OSBPL9: variants seen among roughly 807,000 people sequenced by gnomAD.
The protein encoded by OSBPL9 is oxysterol binding protein like 9, also known as oxysterol-binding protein-related protein 9.
Under a neutral mutation model 106.6 loss-of-function variants are expected in OSBPL9, and 40 were observed. The observed-to-expected ratio is 0.38, with a 90% CI of 0.29 to 0.49. OSBPL9 has a LOEUF of 0.49. OSBPL9 is among the 20% of genes least tolerant of loss of function. The pLI is 0.97. For synonymous variants in OSBPL9, 269 were observed against 295.4 expected (o/e 0.91, Z 0.92); for missense variants, 609 against 887.2 (o/e 0.69, Z 3.98).
At chr1:51,697,176 A>AAAG (rs1317274955) in intron 3 of OSBPL9, among the ~76,000 whole-genome samples, 18 of 144,168 alleles carry the variant, frequency 1.2e-4, no homozygotes, top group African/African-American at 2.4e-4. Context: ...AAAGAAAAAA[A>AAAG]AAAGAAAGAA....
chr1:51,527,707 G>A, the OSBPL9 span, among the ~76,000 whole-genome samples: 3 of 152,038 alleles, frequency 2.0e-5, no homozygotes, highest in Non-Finnish European at 4.4e-5. Flanking sequence ...TGCCTGGGGT[G>A]AGATTTAAAT....
rs747352416 is a variant in OSBPL9 at position 51,669,521 on chromosome 1, A to G, written c.241+9A>G. The G allele has an allele frequency of 1.9e-6, 3 of 1,613,204 alleles. No homozygotes were observed. Among genetic ancestry groups the G allele is most frequent in the Non-Finnish European group, 2.5e-6 (3 of 1,179,268 alleles). On this transcript the variant is annotated intron_variant, in intron 3 of 23. Transcript: ENST00000428468. The stretch of plus-strand genomic sequence containing the variant: ...AACCTTCCATTTCCAGGGTGAGCTG[A>G]AAGAAGAGATTCTTTCTCTTCATAG...
chr1:51,689,562 G>A (rs1654543409), intron 3 of OSBPL9, among the ~76,000 whole-genome samples: 1 of 152,042 alleles, frequency 6.6e-6, no homozygotes. Flanking sequence ...CCCAGAATAT[G>A]TTAAAGATAT....
intron 2 of OSBPL9, among the ~76,000 whole-genome samples, chr1:51,611,733 G>A (rs1643989223): frequency 6.6e-6 from 1 of 152,190 alleles, no homozygotes; most frequent in African/African-American, 2.4e-5. Flanking sequence ...CACTCTGGAA[G>A]GTCAAGGGGT....
At chr1:51,568,552 T>C in the OSBPL9 span, among the ~76,000 whole-genome samples, 3 of 152,208 alleles carry the variant, frequency 2.0e-5, no homozygotes, top group African/African-American at 4.8e-5. Flanking sequence ...TTTTCTTTTC[T>C]TTTCTTTTTT....
chr1:51,601,189 C>T (rs1645324092), intron 2 of OSBPL9, among the ~76,000 whole-genome samples: 1 of 152,174 alleles, frequency 6.6e-6, no homozygotes, highest in Admixed American at 6.5e-5. Context: ...AGCTCCAAAT[C>T]CTCTGCAGAT....
chr1:51,575,551 A>C (rs1645178458), upstream of OSBPL9, among the ~76,000 whole-genome samples: 1 of 151,986 alleles, frequency 6.6e-6, no homozygotes, highest in African/African-American at 2.4e-5. Flanking sequence ...ACCTATGAAT[A>C]TCCCACATCA....
intron 3 of OSBPL9, among the ~76,000 whole-genome samples, chr1:51,687,917 G>T (rs1571083422): frequency 6.6e-6 from 1 of 152,234 alleles, no homozygotes; most frequent in East Asian, 1.9e-4. Flanking sequence ...AAGGAGCCTA[G>T]TGTGGAGCTT....
At chr1:51,744,514 T>C (rs563693156) in intron 4 of OSBPL9, among the ~76,000 whole-genome samples, 1 of 152,346 alleles carries the variant, frequency 6.6e-6, no homozygotes. Context: ...TAATATAAAA[T>C]AAACTTTGGC....
chr1:51,758,372 T>C lies in OSBPL9; in HGVS notation c.582+2014T>C, dbSNP rs1192641267. Among the ~76,000 whole-genome samples, 3 of 146,598 alleles carry C rather than the reference T, an allele frequency of 2.0e-5. No homozygotes were observed. In the East Asian group the frequency reaches 5.8e-4, roughly 28 times the overall value. On this transcript the variant is annotated intron_variant, in intron 9 of 23. Coordinates refer to ENST00000428468, the MANE Select transcript of OSBPL9 (RefSeq NM_024586.6). ...ACTTTTCTTTTAAGGGTTAAAACAG[T>C]GAGCATTTCCGTATTACACTGATTC... is the stretch of plus-strand genomic sequence containing the variant.
chr1:51,757,947 G>A (rs980085233), intron 9 of OSBPL9, among the ~76,000 whole-genome samples: 2 of 152,074 alleles, frequency 1.3e-5, no homozygotes, highest in Admixed American at 6.5e-5. Context: ...ATTGTATTAC[G>A]TGGGTTTCAT....
chr1:51,597,445 G>A (rs111249488), intron 1 of OSBPL9, among the ~76,000 whole-genome samples: 24,405 of 146,966 alleles, frequency 0.17, 2,346 homozygotes, highest in Middle Eastern at 0.31. Flanking sequence ...GTGTGTGTGT[G>A]TGTGTGTGTG....
the OSBPL9 span, among the ~76,000 whole-genome samples, chr1:51,525,139 A>G: frequency 1.3e-5 from 2 of 152,220 alleles, no homozygotes; most frequent in Non-Finnish European, 2.9e-5. Flanking sequence ...GAATCAGCGC[A>G]ATAACAAGAG....
chr1:51,686,939 T>C (rs1653940215), intron 3 of OSBPL9, among the ~76,000 whole-genome samples: 1 of 152,192 alleles, frequency 6.6e-6, no homozygotes, highest in African/African-American at 2.4e-5. Context: ...GAAGACTGAA[T>C]GTAGAGCATG....
At chr1:51,783,693 G>A (rs1398987189) in intron 17 of OSBPL9, among the ~76,000 whole-genome samples, 1 of 152,166 alleles carries the variant, frequency 6.6e-6, no homozygotes, top group Non-Finnish European at 1.5e-5. Flanking sequence ...TCCTGGGTTG[G>A]CCACAGCATC....
chr1:51,537,948 T>C, the OSBPL9 span, among the ~76,000 whole-genome samples: 1 of 152,152 alleles, frequency 6.6e-6, no homozygotes, highest in Non-Finnish European at 1.5e-5. Context: ...TTTCCCACAG[T>C]AAGAACTCTG....
At chr1:51,647,284 A>G (rs1051401295) in intron 1 of OSBPL9, among the ~76,000 whole-genome samples, 1 of 152,176 alleles carries the variant, frequency 6.6e-6, no homozygotes, top group South Asian at 2.1e-4. Flanking sequence ...CCACTTGGTC[A>G]TAGTATATAA....
intron 4 of OSBPL9, among the ~76,000 whole-genome samples, chr1:51,717,607 A>G (rs935151243): frequency 4.6e-5 from 7 of 151,974 alleles, no homozygotes; most frequent in Non-Finnish European, 1.0e-4. Flanking sequence ...GGTGCCTAAC[A>G]TCATTGATCA....
intron 1 of OSBPL9, among the ~76,000 whole-genome samples, chr1:51,586,513 T>C (rs1373316901): frequency 6.6e-6 from 1 of 152,240 alleles, no homozygotes; most frequent in Non-Finnish European, 1.5e-5. Flanking sequence ...TCACATGATT[T>C]ATATGTTACA....
Sources: allele counts gnomAD v4.1 joint callset (sites outside exome capture counted in the v4.1 genomes callset), GRCh38; gene constraint gnomAD v4.1.1; transcripts MANE v1.5; gene names NCBI Gene and HGNC (gene_info 2026-07-23, HGNC 2026-07-21).